Variants in CEP57 observed in about 807,000 individuals in gnomAD.
The protein encoded by CEP57 is centrosomal protein of 57 kDa.
A neutral mutation model predicts 68.0 loss-of-function variants in CEP57; 40 were observed. The observed-to-expected ratio is 0.59, with a 90% CI of 0.46 to 0.77. CEP57 has a LOEUF of 0.77. CEP57 is among the 30% of genes least tolerant of loss of function. The pLI, the probability that CEP57 is intolerant of heterozygous loss-of-function variation, is 0.00. For missense variants in CEP57, 606 were observed against 580.7 expected, an observed-to-expected ratio of 1.04 and a Z score of -0.45; for synonymous variants, 219 against 198.7, an observed-to-expected ratio of 1.10 and a Z score of -0.86.
chr11:95,812,447 A>G (rs1326735252), intron 2 of CEP57, among the ~76,000 whole-genome samples: 1 of 151,768 alleles, frequency 6.6e-6, no homozygotes, highest in Non-Finnish European at 1.5e-5. Context: ...TTTTTGTGAG[A>G]CAGAATCTCA....
intron 1 of CEP57, chr11:95,795,548 A>G: frequency 1.9e-6 from 1 of 540,412 alleles, no homozygotes; most frequent in Middle Eastern, 2.6e-4. Context: ...TACAATGTTG[A>G]CCAGAATTGA....
chr11:95,828,027 T>G lies in CEP57; in HGVS notation c.1127T>G (p.Phe376Cys), dbSNP rs1202501153. 6.2e-7 allele frequency: 1 copy of G among 1,612,150 alleles called. No homozygotes were observed. Among genetic ancestry groups the G allele is most frequent in the East Asian group, 2.2e-5 (1 of 44,850 alleles). The change falls in exon 9 of 11, where the codon TTT (phenylalanine) becomes TGT (cysteine). Residue 376 changes from phenylalanine (F) to cysteine (C), a missense_variant and splice_region_variant. Physicochemically the swap from Phe to Cys is radical, Grantham distance 205. Coordinates refer to ENST00000325542, the MANE Select transcript of CEP57 (RefSeq NM_014679.5). Reference sequence around the variant, plus strand: ...CAGGATGAATTTGGGCAAATGAGCTTGTGAGTTTTTGTTTTTTTTTTTAAA... The same window carrying G: ...CAGGATGAATTTGGGCAAATGAGCTGGTGAGTTTTTGTTTTTTTTTTTAAA... ...TLQDEFGQMS[F>C]DHQQLAKLIQ...
At chr11:95,817,503 G>A (rs1862347861) in intron 4 of CEP57, among the ~76,000 whole-genome samples, 1 of 152,194 alleles carries the variant, frequency 6.6e-6, no homozygotes. Flanking sequence ...ATTTGTGTGT[G>A]AAGCCTATAT....
At chr11:95,822,059 T>C in intron 7 of CEP57, 81 bp downstream of exon 7, 1 of 908,264 alleles carries the variant, frequency 1.1e-6, no homozygotes, top group Non-Finnish European at 1.8e-6. Context: ...CTGTGTGGTG[T>C]ACTACAACCT....
chr11:95,790,802 C>T, intron 1 of CEP57, 59 bp downstream of exon 1: 1 of 1,594,682 alleles, frequency 6.3e-7, no homozygotes, highest in Non-Finnish European at 8.6e-7. Context: ...CTTTGAGTTT[C>T]CTCACGTTTC....
In CEP57 at chr11:95,829,274, G is replaced by A; in HGVS notation, c.1215G>A (p.Val405=). The A allele has an allele frequency of 6.2e-7, 1 of 1,613,970 alleles. No individual in the cohort carries two copies. Among genetic ancestry groups the A allele is most frequent in the Non-Finnish European group, 8.5e-7 (1 of 1,179,980 alleles). ...DKLECELEAL[V]GRMEAKANQI... ...TGGAGTGTGAATTGGAGGCATTAGT[G>A]GGAAGGATGGAAGCAAAAGCCAACC... Residue 405 remains valine, a synonymous_variant, in exon 10 of 11, where the codon GTG becomes GTA. Transcript: ENST00000325542.
rs16922554 is a variant in CEP57, at chr11:95,802,154, C to T, written c.202+2766C>T. ...AGAGGAAAACCTCTCAGAGGAAAAACGAAATAATAGATAATCTGAGTTTTA... is the reference window on the plus strand; with the variant it reads ...AGAGGAAAACCTCTCAGAGGAAAAATGAAATAATAGATAATCTGAGTTTTA... On this transcript the variant is annotated intron_variant, in intron 2 of 10. Transcript: ENST00000325542. 3.9e-3 allele frequency among the ~76,000 whole-genome samples: 596 copies of T among 151,226 alleles called. 5 individuals are homozygous for T. The highest frequency in any genetic ancestry group is 0.014 in the African/African-American group (575 of 41,156).
intron 6 of CEP57, 115 bp downstream of exon 6, chr11:95,819,019 A>G (rs527816583): frequency 2.5e-6 from 2 of 816,256 alleles, no homozygotes; most frequent in South Asian, 1.5e-5. Flanking sequence ...AGTCCAACAT[A>G]CAAATTTTCA....
intron 10 of CEP57, among the ~76,000 whole-genome samples, chr11:95,829,563 ATAT>A (rs1478600468): frequency 6.6e-6 from 1 of 152,224 alleles, no homozygotes; most frequent in African/African-American, 2.4e-5. Context: ...AATATATTTA[ATAT>A]TCTTTATGAA....
rs1565326384 is a variant in CEP57, at chr11:95,817,803, AACG to A, written c.524_526del (p.Arg175del). ...GTTTTTCAGGTTTCCCTAGAAAGAG[AACG>A]ACAACATGATCAAACACATGTTCAG... On this transcript the variant is annotated inframe_deletion, in exon 5 of 11. Coordinates refer to ENST00000325542, the MANE Select transcript of CEP57 (RefSeq NM_014679.5). 4 of 1,613,248 alleles carry A rather than the reference AACG, an allele frequency of 2.5e-6. No homozygotes were observed. Among genetic ancestry groups the A allele is most frequent in the Middle Eastern group, 1.7e-4 (1 of 6,056 alleles).
Position 95,794,569 on chromosome 11 carries a change from A to AGTGT in CEP57, c.45+3839_45+3842dup, listed in dbSNP as rs111888918. 3.1e-3 allele frequency among the ~76,000 whole-genome samples: 467 copies of AGTGT among 150,060 alleles called. 3 individuals are homozygous for AGTGT. The highest frequency in any genetic ancestry group is 0.011 in the African/African-American group (450 of 40,924). Reference sequence around the variant, plus strand: ...ACCCTGTTTTTTTCAAACCTTTACTAGTGTGTGTGTGTGTGTTCTTCTGTG... The same window carrying AGTGT: ...ACCCTGTTTTTTTCAAACCTTTACTAGTGTGTGTGTGTGTGTGTGTTCTTCTGTG... On this transcript the variant is annotated intron_variant, in intron 1 of 10. Coordinates refer to ENST00000325542, the MANE Select transcript of CEP57 (RefSeq NM_014679.5).
At position 95,821,937 on chromosome 11, in the gene CEP57, G is replaced by A; in HGVS notation, c.766G>A (p.Ala256Thr). 2 of 1,612,682 alleles carry A rather than the reference G, an allele frequency of 1.2e-6. No homozygotes were observed. The highest frequency in any genetic ancestry group is 1.1e-5 in the South Asian group (1 of 91,022). The change falls in exon 7 of 11, where the codon GCA becomes ACA. Residue 256 changes from alanine (A) to threonine (T), a missense_variant. Coordinates refer to ENST00000325542, the MANE Select transcript of CEP57 (RefSeq NM_014679.5). The part of the protein sequence containing the change: ...EDKATPCVPN[A>T]RRIKKKKSKP... ...TAAGGCAACTCCGTGTGTTCCCAATGCAAGAAGAATTAAAAAAAAGAAGTC... is the reference window on the plus strand; with the variant it reads ...TAAGGCAACTCCGTGTGTTCCCAATACAAGAAGAATTAAAAAAAAGAAGTC...
At chr11:95,791,187 T>A (rs1439277033) in intron 1 of CEP57, among the ~76,000 whole-genome samples, 2 of 152,110 alleles carry the variant, frequency 1.3e-5, no homozygotes, top group African/African-American at 2.4e-5. Context: ...CGCTTACTAG[T>A]CGTTGCTTAT....
intron 4 of CEP57, among the ~76,000 whole-genome samples, chr11:95,816,802 C>T (rs868580467): frequency 5.9e-5 from 9 of 152,068 alleles, no homozygotes; most frequent in African/African-American, 7.2e-5. Context: ...TACTTGAGGT[C>T]GGGTTTGAGA....
At chr11:95,804,805 TC>T (rs1861724621) in intron 2 of CEP57, among the ~76,000 whole-genome samples, 1 of 152,224 alleles carries the variant, frequency 6.6e-6, no homozygotes, top group Non-Finnish European at 1.5e-5. Context: ...ATTTTTAAAA[TC>T]TATAGAATTT....
rs558189176 is a variant in CEP57, at chr11:95,811,741, C to T, written c.203-1191C>T. 5.9e-5 allele frequency among the ~76,000 whole-genome samples: 9 copies of T among 152,012 alleles called. No individual in the cohort carries two copies. In the East Asian group the frequency reaches 1.2e-3, roughly 20 times the overall value. On this transcript the variant is annotated intron_variant, in intron 2 of 10. Coordinates refer to ENST00000325542, the MANE Select transcript of CEP57 (RefSeq NM_014679.5). ...AAATTCATGAAAGGGAGAAAATTAGCCAATAACATATATGAAAAGATTTAT... is the reference window on the plus strand; with the variant it reads ...AAATTCATGAAAGGGAGAAAATTAGTCAATAACATATATGAAAAGATTTAT...
intron 8 of CEP57, chr11:95,827,104 G>A (rs1862775215): frequency 6.6e-6 from 1 of 152,206 alleles, no homozygotes; most frequent in Middle Eastern, 3.2e-3. Flanking sequence ...AGTAAGCCCA[G>A]CCATCTATTT....
At chr11:95,790,400 T>G (rs1399102036), upstream of CEP57, 2 of 513,104 alleles carry the variant, frequency 3.9e-6, no homozygotes, top group Admixed American at 6.6e-5. Context: ...ACGCGCTACC[T>G]TGTGACGTCA....
intron 1 of CEP57, among the ~76,000 whole-genome samples, chr11:95,795,087 CTAT>C (rs1461785485): frequency 6.6e-6 from 1 of 152,132 alleles, no homozygotes; most frequent in Non-Finnish European, 1.5e-5. Flanking sequence ...GAAATATTAG[CTAT>C]TGTTGGTCCT....
Sources: gnomAD v4.1 joint callset for allele counts (sites outside exome capture counted in the v4.1 genomes callset) on GRCh38, gnomAD v4.1.1 for gene constraint, MANE v1.5 for transcripts, NCBI Gene and HGNC (gene_info 2026-07-23, HGNC 2026-07-21) for gene names.